Variants in ESR1 observed in about 807,000 individuals in gnomAD.
The protein encoded by ESR1 is estrogen receptor 1, also known as estrogen receptor.
In ESR1, 12 loss-of-function variants were observed where a neutral mutation model predicts 52.7. The observed-to-expected ratio is 0.23, with a 90% confidence interval of 0.15 to 0.37. The LOEUF (loss-of-function observed/expected upper bound fraction) is 0.37. Ranked by LOEUF, ESR1 falls within the 10% of genes least tolerant of loss-of-function variation. The pLI, the probability that ESR1 is intolerant of heterozygous loss-of-function variation, is 1.00. For missense variants in ESR1, 584 were observed against 779.7 expected, an observed-to-expected ratio of 0.75 and a Z score of 2.99; for synonymous variants, 305 against 316.8, an observed-to-expected ratio of 0.96 and a Z score of 0.39.
At chr6:151,973,690 C>T (rs2039141926) in intron 4 of ESR1, among the ~76,000 whole-genome samples, 1 of 152,108 alleles carries the variant, frequency 6.6e-6, no homozygotes, top group African/African-American at 2.4e-5. Context: ...CCAAATGCTT[C>T]CAGAAGCAGA....
chr6:151,808,566 C>T (rs1187531959), intron 1 of ESR1, among the ~76,000 whole-genome samples: 1 of 152,158 alleles, frequency 6.6e-6, no homozygotes, highest in Non-Finnish European at 1.5e-5. Context: ...CAAGTTCTCT[C>T]GCCGGGCAGC....
chr6:151,950,901 G>T (rs1383506283), intron 4 of ESR1, among the ~76,000 whole-genome samples: 4 of 151,678 alleles, frequency 2.6e-5, no homozygotes, highest in Admixed American at 2.6e-4. Flanking sequence ...TTCTTCTATT[G>T]TATTTTTGAG....
At chr6:152,009,800 AT>A (rs2042620561) in intron 4 of ESR1, among the ~76,000 whole-genome samples, 1 of 152,282 alleles carries the variant, frequency 6.6e-6, no homozygotes, top group Non-Finnish European at 1.5e-5. Context: ...TAGCAGCTTT[AT>A]TTGTAATAGC....
chr6:151,986,947 G>A lies in ESR1; in HGVS notation c.1097-24709G>A, dbSNP rs112774493. On this transcript the variant is annotated intron_variant, in intron 4 of 7. Transcript: ENST00000206249. ...CACGCGAGCACGTGTGTGTGTGTGC[G>A]CGCCCATGGGTCCATTTTTGCATGG... Among the ~76,000 whole-genome samples, 1,184 of 152,104 alleles carry A rather than the reference G, an allele frequency of 7.8e-3. 19 individuals are homozygous for A. The highest frequency in any genetic ancestry group is 0.027 in the African/African-American group (1,109 of 41,460).
rs1787111631 is a variant in ESR1, at chr6:151,853,065, A to C, written c.643+10278A>C. On this transcript the variant is annotated intron_variant, in intron 2 of 7. Transcript: ENST00000206249. ...TGTGCACCTGTAGTCCCAGCTACTC[A>C]GGAGGTGGAGGCAGGAGAATGGCTT... Among the ~76,000 whole-genome samples the C allele has an allele frequency of 3.4e-5, 5 of 146,880 alleles. No individual in the cohort carries two copies. In the South Asian group the frequency reaches 1.1e-3, roughly 33 times the overall value.
At chr6:151,810,151 A>G (rs542467176) in intron 1 of ESR1, among the ~76,000 whole-genome samples, 5 of 152,344 alleles carry the variant, frequency 3.3e-5, no homozygotes, top group African/African-American at 1.2e-4. Context: ...AGGGGATCGC[A>G]TCTTATTCAA....
At chr6:151,954,013 C>T (rs2036624380) in intron 4 of ESR1, among the ~76,000 whole-genome samples, 1 of 152,152 alleles carries the variant, frequency 6.6e-6, no homozygotes, top group Non-Finnish European at 1.5e-5. Flanking sequence ...CCGCCTCTAG[C>T]CCTTTCTTAA....
At chr6:151,711,089 C>T (rs559968043) in intron 2 of ESR1, among the ~76,000 whole-genome samples, 26 of 152,238 alleles carry the variant, frequency 1.7e-4, no homozygotes, top group African/African-American at 3.4e-4. Flanking sequence ...CTGGGTCAAA[C>T]GGTATTTCTA....
intron 3 of ESR1, among the ~76,000 whole-genome samples, chr6:151,889,871 A>G (rs1480660217): frequency 6.6e-6 from 1 of 151,930 alleles, no homozygotes; most frequent in African/African-American, 2.4e-5. Context: ...GTTTCAAGAT[A>G]TTTTTCAACT....
chr6:152,115,116 T>A (rs2152514473), intron 6 of ESR1, among the ~76,000 whole-genome samples: 1 of 152,242 alleles, frequency 6.6e-6, no homozygotes, highest in African/African-American at 2.4e-5. Context: ...CTCTCCAAAC[T>A]TTCACCTTGC....
chr6:151,833,611 C>G (rs1782803734), intron 1 of ESR1, among the ~76,000 whole-genome samples: 1 of 152,178 alleles, frequency 6.6e-6, no homozygotes, highest in South Asian at 2.1e-4. Context: ...AATCATCCAA[C>G]TGTGTATCAG....
In ESR1 at chr6:151,895,118, T is replaced by A. The variant is rs1327018600; in HGVS notation, c.760+14347T>A. Among the ~76,000 whole-genome samples the A allele has an allele frequency of 1.5e-4, 18 of 122,264 alleles. No individual in the cohort carries two copies. The Admixed American group carries it at 1.7e-3, about 11-fold the overall frequency. 80.2% of individuals were successfully genotyped at this position (122,264 alleles called of 152,430 possible). A position where few individuals can be genotyped will look rare whatever the true frequency, so the allele number is the denominator to read the frequency against. On this transcript the variant is annotated intron_variant, in intron 3 of 7. Transcript: ENST00000206249. Reference sequence around the variant, plus strand: ...AGAGGTCCTTCACCTTCTTGGTTAGTTTTTGTTTTTTTTGGTTTTTTTTTT... The same window carrying A: ...AGAGGTCCTTCACCTTCTTGGTTAGATTTTGTTTTTTTTGGTTTTTTTTTT...
upstream of ESR1, among the ~76,000 whole-genome samples, chr6:151,806,525 A>AATATATATAT (rs1368685932): frequency 4.0e-5 from 2 of 50,550 alleles, no homozygotes; most frequent in Non-Finnish European, 8.3e-5. Flanking sequence ...TTGTCTCCTT[A>AATATATATAT]ATATGTATAT....
At chr6:151,877,762 A>G (rs557955250) in intron 2 of ESR1, among the ~76,000 whole-genome samples, 7 of 152,148 alleles carry the variant, frequency 4.6e-5, no homozygotes, top group African/African-American at 1.7e-4. Flanking sequence ...TTGAATGGTT[A>G]TTGACTATTT....
At chr6:151,748,051 C>G (rs1311068329) in intron 2 of ESR1, among the ~76,000 whole-genome samples, 6 of 152,182 alleles carry the variant, frequency 3.9e-5, no homozygotes, top group Non-Finnish European at 7.4e-5. Context: ...CTTCCAGGAA[C>G]TGCCAAATGG....
upstream of ESR1, among the ~76,000 whole-genome samples, chr6:151,689,579 A>G (rs1382484391): frequency 6.6e-6 from 1 of 152,174 alleles, no homozygotes; most frequent in Non-Finnish European, 1.5e-5. Context: ...TAAAGTGTTG[A>G]TTATTTATTT....
At chr6:151,908,266 C>A (rs542468401) in intron 3 of ESR1, among the ~76,000 whole-genome samples, 7 of 152,022 alleles carry the variant, frequency 4.6e-5, no homozygotes, top group Admixed American at 2.0e-4. Flanking sequence ...TTATTTCTGT[C>A]TTTGAGGAGT....
At chr6:152,078,125 T>C (rs1262653209) in intron 6 of ESR1, among the ~76,000 whole-genome samples, 2 of 152,138 alleles carry the variant, frequency 1.3e-5, no homozygotes, top group African/African-American at 4.8e-5. Flanking sequence ...GGGAAACAAT[T>C]TGAATCATGA....
In ESR1 at chr6:152,043,787, C is replaced by T. The variant is rs780678750; in HGVS notation, c.1236-17204C>T. Among the ~76,000 whole-genome samples the T allele has an allele frequency of 6.6e-5, 10 of 152,182 alleles. No individual in the cohort carries two copies. In the South Asian group the frequency reaches 8.3e-4, roughly 13 times the overall value. ...GCCCCCAGCCTTATCAGGGTCCTCC[C>T]GCATGGCCCCATTCCAAGTTGCAGG... On this transcript the variant is annotated intron_variant, in intron 5 of 7. Coordinates refer to ENST00000206249, the MANE Select transcript of ESR1 (RefSeq NM_000125.4).
Sources: gnomAD v4.1 joint callset for allele counts (sites outside exome capture counted in the v4.1 genomes callset) on GRCh38, gnomAD v4.1.1 for gene constraint, MANE v1.5 for transcripts, NCBI Gene and HGNC (gene_info 2026-07-23, HGNC 2026-07-21) for gene names.